The following OSBPL3 variants were observed in gnomAD, a reference collection of about 807,000 sequenced individuals.
The protein encoded by OSBPL3 is oxysterol-binding protein-related protein 3.
OSBPL3 carries 65 observed loss-of-function variants against 120.1 expected under a neutral mutation model. That is an observed-to-expected ratio of 0.54 (90% CI 0.44 to 0.67). OSBPL3 has a LOEUF of 0.67. Ranked by LOEUF, OSBPL3 falls within the 30% of genes least tolerant of loss-of-function variation. The pLI is 0.00. For synonymous variants in OSBPL3, 416 were observed against 402.6 expected (o/e 1.03, Z -0.40); for missense variants, 1,004 against 1,082.1 (o/e 0.93, Z 1.01).
chr7:24,845,732 T>C (rs1481864012), intron 12 of OSBPL3, among the ~76,000 whole-genome samples: 2 of 152,170 alleles, frequency 1.3e-5, no homozygotes, highest in Admixed American at 6.5e-5. Flanking sequence ...TTAGAAAATC[T>C]TCCCTACTCT....
chr7:24,844,976 A>G (rs1382202444), intron 12 of OSBPL3, among the ~76,000 whole-genome samples: 1 of 152,214 alleles, frequency 6.6e-6, no homozygotes, highest in Non-Finnish European at 1.5e-5. Context: ...ATATTTTATT[A>G]TATAGTGTCA....
intron 5 of OSBPL3, among the ~76,000 whole-genome samples, chr7:24,866,904 C>T (rs761981724): frequency 7.2e-5 from 11 of 152,258 alleles, no homozygotes; most frequent in East Asian, 5.8e-4. Flanking sequence ...CAGGTTCAAG[C>T]GATCTCTTGC....
At chr7:24,828,102 G>A (rs149783456) in intron 16 of OSBPL3, among the ~76,000 whole-genome samples, 1 of 151,766 alleles carries the variant, frequency 6.6e-6, no homozygotes, top group African/African-American at 2.4e-5. Context: ...TCGGCTCACC[G>A]CATCCTCCAC....
intron 1 of OSBPL3, among the ~76,000 whole-genome samples, chr7:24,905,074 T>G (rs1194468972): frequency 1.3e-5 from 2 of 151,634 alleles, no homozygotes; most frequent in African/African-American, 4.8e-5. Flanking sequence ...ACCCAAGGCT[T>G]GCAAACAGCA....
Position 24,871,756 on chromosome 7 carries a change from T to C in OSBPL3, c.253A>G (p.Lys85Glu), listed in dbSNP as rs765192601. The stretch of plus-strand genomic sequence containing the variant: ...AAAAGACTTACATCGGTTTGGCTCT[T>C]GGCATATTTCAAGATTCCTTTGTCC... ...YLDKGILKYA[K>E]SQTDIEREKL... Residue 85 changes from lysine (K) to glutamate (E), a missense_variant, in exon 4 of 23, where the codon AAG becomes GAG. By Grantham distance (56) the Lys-to-Glu change is moderately conservative. Coordinates refer to ENST00000313367, the MANE Select transcript of OSBPL3 (RefSeq NM_015550.4). This position sits in a 1 kb window ranked among gnomAD's most constrained non-coding sequence, Gnocchi z 4.8. The C allele has an allele frequency of 3.3e-5, 54 of 1,613,102 alleles. No homozygotes were observed. Among genetic ancestry groups the C allele is most frequent in the Non-Finnish European group, 3.4e-5 (40 of 1,179,178 alleles).
rs1794740471 is a variant in OSBPL3, at chr7:24,818,464, A to G, written c.1948+1711T>C. On this transcript the variant is annotated intron_variant, in intron 17 of 22. Transcript: ENST00000313367. The surrounding 1 kb of genome is among the most constrained non-coding windows in gnomAD (Gnocchi z 4.0). ...AGAGAGGTTGGGAAGGGAAAATGGA[A>G]GTATACTTCTGTAAATCTCACTATA... Among the ~76,000 whole-genome samples the G allele has an allele frequency of 6.6e-6, 1 of 152,250 alleles. No individual in the cohort carries two copies. The highest frequency in any genetic ancestry group is 1.5e-5 in the Non-Finnish European group (1 of 68,050).
intron 1 of OSBPL3, among the ~76,000 whole-genome samples, chr7:24,970,425 C>G (rs1419533213): frequency 6.6e-6 from 1 of 152,142 alleles, no homozygotes; most frequent in Non-Finnish European, 1.5e-5. Context: ...CTTTCTTTAT[C>G]TCAATCCCAT....
In OSBPL3 at chr7:24,898,177, T is replaced by C. The variant is rs1806452780; in HGVS notation, c.-149-5556A>G. Among the ~76,000 whole-genome samples, 1 of 152,240 alleles carries C rather than the reference T, an allele frequency of 6.6e-6. No individual in the cohort carries two copies. The highest frequency in any genetic ancestry group is 1.5e-5 in the Non-Finnish European group (1 of 68,046). On this transcript the variant is annotated intron_variant, in intron 1 of 22. Coordinates refer to ENST00000313367, the MANE Select transcript of OSBPL3 (RefSeq NM_015550.4). The surrounding 1 kb of genome is among the most constrained non-coding windows in gnomAD (Gnocchi z 4.3). The stretch of plus-strand genomic sequence containing the variant: ...GGTCAAAAGCAGGGCTTTGGTTATT[T>C]GGCTTTAAGCACCACAGACCAGAGA...
chr7:24,898,779 T>C lies in OSBPL3; in HGVS notation c.-149-6158A>G, dbSNP rs17150484. On this transcript the variant is annotated intron_variant, in intron 1 of 22. Coordinates refer to ENST00000313367, the MANE Select transcript of OSBPL3 (RefSeq NM_015550.4). The surrounding 1 kb of genome is among the most constrained non-coding windows in gnomAD (Gnocchi z 4.3). ...CAGTCATTAGAATCATGGAGCCTAA[T>C]AACGAATTCTAGCCCAACCTCCGGC... is the stretch of plus-strand genomic sequence containing the variant. 6.6e-6 allele frequency among the ~76,000 whole-genome samples: 1 copy of C among 152,148 alleles called. No individual in the cohort carries two copies. Among genetic ancestry groups the C allele is most frequent in the African/African-American group, 2.4e-5 (1 of 41,438 alleles).
Position 24,867,272 on chromosome 7 carries a change from G to C in OSBPL3, c.382-1035C>G, listed in dbSNP as rs1801465573. ...TCTTTTTAAACTCTTTTATAATTCA[G>C]ACTTTTCAGATTAATCTTTTCTGAA... On this transcript the variant is annotated intron_variant, in intron 5 of 22. Transcript: ENST00000313367. The surrounding 1 kb of genome is among the most constrained non-coding windows in gnomAD (Gnocchi z 4.5). 6.6e-6 allele frequency among the ~76,000 whole-genome samples: 1 copy of C among 152,050 alleles called. No homozygotes were observed. The highest frequency in any genetic ancestry group is 1.5e-5 in the Non-Finnish European group (1 of 68,018).
In OSBPL3 at chr7:24,923,372, G is replaced by A. The variant is rs1810641219; in HGVS notation, c.-149-30751C>T. On this transcript the variant is annotated intron_variant, in intron 1 of 22. Transcript: ENST00000313367. ...GTCCACTGGAGTAACCCCAACAAAG[G>A]GTAGCCACTGTGCTGACCTAGCTGA... Among the ~76,000 whole-genome samples the A allele has an allele frequency of 3.3e-5, 5 of 152,260 alleles. No individual in the cohort carries two copies. In the South Asian group the frequency reaches 1.0e-3, roughly 32 times the overall value.
Position 24,871,783 on chromosome 7 carries a change from G to T in OSBPL3, c.226C>A (p.Leu76Met), listed in dbSNP as rs1473188000. 2 of 1,612,226 alleles carry T rather than the reference G, an allele frequency of 1.2e-6. No homozygotes were observed. The highest frequency in any genetic ancestry group is 2.7e-5 in the African/African-American group (2 of 74,862). Reference sequence around the variant, plus strand: ...GCATATTTCAAGATTCCTTTGTCCAGATAGAAGAATCTCTGTGGGGAAGAA... The same window carrying T: ...GCATATTTCAAGATTCCTTTGTCCATATAGAAGAATCTCTGTGGGGAAGAA... ...LKGWHKRFFY[L>M]DKGILKYAKS... Residue 76 changes from leucine (L) to methionine (M), a missense_variant, in exon 4 of 23, where the codon CTG becomes ATG. Leu to Met is a conservative substitution (Grantham distance 15, BLOSUM62 2). Coordinates refer to ENST00000313367, the MANE Select transcript of OSBPL3 (RefSeq NM_015550.4). This position sits in a 1 kb window ranked among gnomAD's most constrained non-coding sequence, Gnocchi z 4.8.
In OSBPL3 at chr7:24,804,329, C is replaced by G; in HGVS notation, c.2553G>C (p.Gln851His). 1 of 1,614,210 alleles carries G rather than the reference C, an allele frequency of 6.2e-7. No homozygotes were observed. The highest frequency in any genetic ancestry group is 8.5e-7 in the Non-Finnish European group (1 of 1,180,040). ...CAGGCACGAACCTGAAAAACCGAGG[C>G]TGGTGCTCCACATGATTTTCTTCTA... ...RVLEENHVEH[Q>H]PRFFRKSDDD... Residue 851 changes from glutamine (Q) to histidine (H), a missense_variant, in exon 22 of 23, where the codon CAG becomes CAC. This residue lies in a region of OSBPL3 where 473 missense variants were observed against 568.0 expected (regional missense o/e 0.83). Coordinates refer to ENST00000313367, the MANE Select transcript of OSBPL3 (RefSeq NM_015550.4). The surrounding 1 kb of genome is among the most constrained non-coding windows in gnomAD (Gnocchi z 5.4).
At position 24,916,617 on chromosome 7, in the gene OSBPL3, C is replaced by G. The variant is rs1223155390; in HGVS notation, c.-149-23996G>C. Among the ~76,000 whole-genome samples, 1 of 152,064 alleles carries G rather than the reference C, an allele frequency of 6.6e-6. No individual in the cohort carries two copies. Among genetic ancestry groups the G allele is most frequent in the Non-Finnish European group, 1.5e-5 (1 of 68,024 alleles). On this transcript the variant is annotated intron_variant, in intron 1 of 22. Transcript: ENST00000313367. The surrounding 1 kb of genome is among the most constrained non-coding windows in gnomAD (Gnocchi z 4.9). ...ATACCTCCATCAGTCTTCTTCATTC[C>G]CTGACCCTCTTCTCTGGCTGTGTCT...
chr7:24,931,169 T>C (rs758136158), intron 1 of OSBPL3, among the ~76,000 whole-genome samples: 29 of 152,250 alleles, frequency 1.9e-4, no homozygotes, highest in Middle Eastern at 3.4e-3. Context: ...GGGAGGAGTA[T>C]GAATGGCTAA....
chr7:24,833,780 G>C lies in OSBPL3; in HGVS notation c.1746+706C>G, dbSNP rs1796667681. 6.6e-6 allele frequency among the ~76,000 whole-genome samples: 1 copy of C among 152,166 alleles called. No individual in the cohort carries two copies. The highest frequency in any genetic ancestry group is 1.5e-5 in the Non-Finnish European group (1 of 68,032). On this transcript the variant is annotated intron_variant, in intron 15 of 22. Transcript: ENST00000313367. The surrounding 1 kb of genome is among the most constrained non-coding windows in gnomAD (Gnocchi z 4.4). ...GTTAGTCACAGTCATAGAGAGGGCTGATCTGCCCAGAGTCTTGCCCTTTGG... is the reference window on the plus strand; with the variant it reads ...GTTAGTCACAGTCATAGAGAGGGCTCATCTGCCCAGAGTCTTGCCCTTTGG...
chr7:24,819,319 T>A lies in OSBPL3; in HGVS notation c.1948+856A>T, dbSNP rs1794838693. ...GAGGTGCTTATAGCATGAGTGAGATTTACCAATTAGGAGGCTAGGAACCTT... is the reference window on the plus strand; with the variant it reads ...GAGGTGCTTATAGCATGAGTGAGATATACCAATTAGGAGGCTAGGAACCTT... On this transcript the variant is annotated intron_variant, in intron 17 of 22. Coordinates refer to ENST00000313367, the MANE Select transcript of OSBPL3 (RefSeq NM_015550.4). The surrounding 1 kb of genome is among the most constrained non-coding windows in gnomAD (Gnocchi z 4.1). Among the ~76,000 whole-genome samples the A allele has an allele frequency of 6.6e-6, 1 of 152,054 alleles. No individual in the cohort carries two copies. Among genetic ancestry groups the A allele is most frequent in the South Asian group, 2.1e-4 (1 of 4,804 alleles).
rs762899660 is a variant in OSBPL3 at position 24,830,892 on chromosome 7, G to A, written c.1760C>T (p.Ala587Val). The A allele has an allele frequency of 9.9e-6, 16 of 1,611,024 alleles. No homozygotes were observed. The highest frequency in any genetic ancestry group is 1.4e-5 in the Non-Finnish European group (16 of 1,179,232). ...SPLERMVYVA[A>V]FAISAYASSY... Reference sequence around the variant, plus strand: ...AGATGCATACGCTGATATGGCAAAGGCTGCCACATATACCTAAGGACAAGA... The same window carrying A: ...AGATGCATACGCTGATATGGCAAAGACTGCCACATATACCTAAGGACAAGA... The change falls in exon 16 of 23, where the codon GCC becomes GTC. Residue 587 changes from alanine (A) to valine (V), a missense_variant. Physicochemically the swap from Ala to Val is moderately conservative, Grantham distance 64 (BLOSUM62 0). Transcript: ENST00000313367. The surrounding 1 kb of genome is among the most constrained non-coding windows in gnomAD (Gnocchi z 4.4).
chr7:24,887,500 C>A lies in OSBPL3; in HGVS notation c.96+4877G>T, dbSNP rs566120493. On this transcript the variant is annotated intron_variant, in intron 2 of 22. Coordinates refer to ENST00000313367, the MANE Select transcript of OSBPL3 (RefSeq NM_015550.4). The stretch of plus-strand genomic sequence containing the variant: ...CAGAGGACTTTTCTCCAAAGACTGT[C>A]AATGTCTTTTAGCCACTGAAAACAC... Among the ~76,000 whole-genome samples the A allele has an allele frequency of 7.9e-5, 12 of 152,314 alleles. No homozygotes were observed. The South Asian group carries it at 2.5e-3, about 32-fold the overall frequency.
Sources: gnomAD v4.1 joint callset for allele counts (sites outside exome capture counted in the v4.1 genomes callset) on GRCh38, gnomAD v4.1.1 for gene constraint, gnomAD v4.1.1 regional missense constraint, Gnocchi (gnomAD v3.1) non-coding constraint, MANE v1.5 for transcripts, NCBI Gene and HGNC (gene_info 2026-07-23, HGNC 2026-07-21) for gene names.